ACSM4: variants seen among roughly 807,000 people sequenced by gnomAD.
ACSM4 encodes acyl-CoA synthetase medium chain family member 4, also known as acyl-coenzyme A synthetase ACSM4, mitochondrial.
Under a neutral mutation model 73.0 loss-of-function variants are expected in ACSM4, and 66 were observed. The observed-to-expected ratio is 0.90, with a 90% CI of 0.74 to 1.11. ACSM4 has a LOEUF of 1.11. ACSM4 is among the 50% of genes least tolerant of loss of function. ACSM4 has a pLI of 0.00. For synonymous variants in ACSM4, 222 were observed against 254.0 expected (o/e 0.87, Z 1.20); for missense variants, 645 against 714.4 (o/e 0.90, Z 1.11).
chr12:7,322,585 T>C (rs775293264), intron 7 of ACSM4, 44 bp downstream of exon 7: 4 of 1,563,380 alleles, frequency 2.6e-6, no homozygotes, highest in Non-Finnish European at 1.7e-6. Flanking sequence ...TGGGGGCCTT[T>C]CTGCCCCAGG....
At chr12:7,320,624 G>A (rs1946454103) in intron 5 of ACSM4, 101 bp from the exon 6 acceptor site, 1 of 930,708 alleles carries the variant, frequency 1.1e-6, no homozygotes. Context: ...CCACGGGATG[G>A]GCACATATTA....
At chr12:7,304,630 T>A in intron 1 of ACSM4, 98 bp downstream of exon 1, 1 of 1,216,190 alleles carries the variant, frequency 8.2e-7, no homozygotes, top group African/African-American at 1.5e-5. Context: ...TCCAATGCAC[T>A]CTCTCACCCT....
At position 7,318,486 on chromosome 12, in the gene ACSM4, G is replaced by C. The variant is rs899138458; in HGVS notation, c.921+304G>C. On this transcript the variant is annotated intron_variant, in intron 5 of 12. Coordinates refer to ENST00000399422, the MANE Select transcript of ACSM4 (RefSeq NM_001080454.2). ...CTAAATAACAGATTAGGAGTCTGAA[G>C]TCTAAACAAATACTTCATTTCTAAT... The C allele has an allele frequency of 2.6e-5, 7 of 272,244 alleles. No homozygotes were observed. The South Asian group carries it at 6.7e-4, about 26-fold the overall frequency. 16.9% of individuals were successfully genotyped at this position (272,244 alleles called of 1,614,324 possible).
At position 7,318,182 on chromosome 12, in the gene ACSM4, C is replaced by T. The variant is rs747122297; in HGVS notation, c.921C>T (p.Asp307=). 22 of 1,612,770 alleles carry T rather than the reference C, an allele frequency of 1.4e-5. No individual in the cohort carries two copies. Among genetic ancestry groups the T allele is most frequent in the South Asian group, 8.8e-5 (8 of 91,014 alleles). Residue 307 remains aspartate, a splice_region_variant and synonymous_variant, in exon 5 of 13, where the codon GAC becomes GAT. Transcript: ENST00000399422. The part of the protein sequence containing the change: ...MAQFDTDTFL[D]TLTTYPITTL... ...AGTTTGACACTGACACCTTCCTAGA[C>T]GTAAGTCATGTCCTCCAGCTAGATA...
At chr12:7,306,062 T>C (rs1946359819) in intron 1 of ACSM4, among the ~76,000 whole-genome samples, 1 of 152,148 alleles carries the variant, frequency 6.6e-6, no homozygotes, top group Admixed American at 6.5e-5. Context: ...TTCAGGTTAT[T>C]TGGATGGGAA....
At chr12:7,306,845 GACAAA>G in intron 2 of ACSM4, 102 bp downstream of exon 2, 2 of 332,936 alleles carry the variant, frequency 6.0e-6, no homozygotes, top group Non-Finnish European at 8.2e-6. Flanking sequence ...GCATACAGAA[GACAAA>G]AAAAAAAAAA....
rs1946530286 is a variant in ACSM4 at position 7,328,708 on chromosome 12, A to G, written c.*335A>G. On this transcript the variant is annotated 3_prime_UTR_variant, in exon 13 of 13. Transcript: ENST00000399422. ...ACCTTGTGCCTGATTGATTCAAAAT[A>G]AACATATATCCTAAGAGAAATGTTC... is the stretch of plus-strand genomic sequence containing the variant. The G allele has an allele frequency of 6.1e-6, 1 of 164,786 alleles. No homozygotes were observed. Among genetic ancestry groups the G allele is most frequent in the Non-Finnish European group, 1.3e-5 (1 of 76,482 alleles). The allele number at this position is 164,786 out of a possible 1,614,324, so 10.2% of individuals were successfully genotyped here. A position where few individuals can be genotyped will look rare whatever the true frequency, so the allele number is the denominator to read the frequency against.
chr12:7,318,027 T>C lies in ACSM4; in HGVS notation c.766T>C (p.Tyr256His). Residue 256 changes from tyrosine (Y) to histidine (H), a missense_variant and splice_region_variant, in exon 5 of 13, where the codon TAT (tyrosine) becomes CAT (histidine). Physicochemically the swap from Tyr to His is moderately conservative, Grantham distance 83. Coordinates refer to ENST00000399422, the MANE Select transcript of ACSM4 (RefSeq NM_001080454.2). ...TTGTTGCTTTTTCATATCATTTAGG[T>C]ATTGGCTGGACTTGAAGTCCTCAGA... ...LGIGFTLCGR[Y>H]WLDLKSSDII... is the part of the protein sequence containing the mutation. 3 of 1,613,080 alleles carry C rather than the reference T, an allele frequency of 1.9e-6. No homozygotes were observed. The highest frequency in any genetic ancestry group is 2.5e-6 in the Non-Finnish European group (3 of 1,179,502).
rs1946512860 is a variant in ACSM4, at chr12:7,327,102, G to A, written c.1656+7G>A. 1.3e-6 allele frequency: 2 copies of A among 1,592,560 alleles called. No homozygotes were observed. Among genetic ancestry groups the A allele is most frequent in the Non-Finnish European group, 1.7e-6 (2 of 1,169,844 alleles). ...TTACAAATATCCAAGAAAGGCAAGT[G>A]CTTTGCCCAAAAGTTAAGTTTGGAT... On this transcript the variant is annotated splice_region_variant and intron_variant, in intron 12 of 12. Coordinates refer to ENST00000399422, the MANE Select transcript of ACSM4 (RefSeq NM_001080454.2).
At chr12:7,309,102 T>G (rs772563429) in intron 2 of ACSM4, among the ~76,000 whole-genome samples, 16 of 152,242 alleles carry the variant, frequency 1.1e-4, no homozygotes, top group Non-Finnish European at 2.1e-4. Context: ...AAGTACAAAC[T>G]TCTCTCTTTA....
At chr12:7,326,913 G>C in intron 11 of ACSM4, 63 bp from the exon 12 acceptor site, 1 of 1,499,922 alleles carries the variant, frequency 6.7e-7, no homozygotes, top group Admixed American at 2.4e-5. Flanking sequence ...TTCAGCATTT[G>C]TTGCAAATCC....
At chr12:7,308,050 G>GGT (rs781263529) in intron 2 of ACSM4, among the ~76,000 whole-genome samples, 1 of 152,090 alleles carries the variant, frequency 6.6e-6, no homozygotes, top group South Asian at 2.1e-4. Context: ...GCTTAGTTGA[G>GGT]GTGTGTGTGT....
chr12:7,319,814 T>C (rs1946446342), intron 5 of ACSM4, among the ~76,000 whole-genome samples: 2 of 152,190 alleles, frequency 1.3e-5, no homozygotes, highest in Admixed American at 1.3e-4. Context: ...AGTTGGTAAG[T>C]TAACTTTGCA....
chr12:7,310,438 G>A, intron 2 of ACSM4, 101 bp from the exon 3 acceptor site: 2 of 1,181,726 alleles, frequency 1.7e-6, no homozygotes, highest in Non-Finnish European at 2.4e-6. Context: ...TGAGGTAGCT[G>A]AAGAATGGAT....
At chr12:7,310,065 G>C (rs992758117) in intron 2 of ACSM4, among the ~76,000 whole-genome samples, 1 of 152,202 alleles carries the variant, frequency 6.6e-6, no homozygotes, top group African/African-American at 2.4e-5. Context: ...GGGATTACAG[G>C]CCCAAGCCAC....
intron 5 of ACSM4, among the ~76,000 whole-genome samples, chr12:7,319,589 CAAA>C (rs757305753): frequency 1.9e-5 from 1 of 53,662 alleles, no homozygotes; most frequent in Non-Finnish European, 3.8e-5. Flanking sequence ...GACTCCGTCT[CAAA>C]AAAAAAAAAA....
intron 1 of ACSM4, among the ~76,000 whole-genome samples, chr12:7,305,389 G>A (rs1946356485): frequency 6.6e-6 from 1 of 152,172 alleles, no homozygotes; most frequent in African/African-American, 2.4e-5. Context: ...AAAGTAAAAA[G>A]TGAGTCCATG....
intron 5 of ACSM4, among the ~76,000 whole-genome samples, chr12:7,319,086 T>C (rs1240437711): frequency 6.6e-6 from 1 of 152,192 alleles, no homozygotes; most frequent in Non-Finnish European, 1.5e-5. Context: ...TAATGTAGAA[T>C]CAGTGGAAGC....
chr12:7,315,693 T>C (rs977345362), intron 3 of ACSM4, among the ~76,000 whole-genome samples: 11 of 152,346 alleles, frequency 7.2e-5, no homozygotes, highest in African/African-American at 2.2e-4. Flanking sequence ...TTATTCATCA[T>C]TGAGTAACAA....
Sources: allele counts gnomAD v4.1 joint callset (sites outside exome capture counted in the v4.1 genomes callset), GRCh38; gene constraint gnomAD v4.1.1; transcripts MANE v1.5; gene names NCBI Gene and HGNC (gene_info 2026-07-23, HGNC 2026-07-21).